MYO3B: variants seen among roughly 807,000 people sequenced by gnomAD.
The protein encoded by MYO3B is myosin IIIB, also known as myosin-IIIb.
A neutral mutation model predicts 174.6 loss-of-function variants in MYO3B; 156 were observed. That is an observed-to-expected ratio of 0.89 (90% confidence interval 0.78 to 1.02). The LOEUF is 1.02. Among genes scored for constraint, MYO3B ranks in the 50% least tolerant of loss-of-function variants. The pLI is 0.00. For missense variants in MYO3B, 1,632 were observed against 1,639.4 expected (o/e 1.00, Z 0.08); for synonymous variants, 563 against 569.1 (o/e 0.99, Z 0.15).
intron 6 of MYO3B, among the ~76,000 whole-genome samples, chr2:170,223,822 T>C (rs2092925390): frequency 6.6e-6 from 1 of 152,202 alleles, no homozygotes; most frequent in Non-Finnish European, 1.5e-5. Context: ...GTCATTATCG[T>C]TTTTATTGAG....
intron 32 of MYO3B, among the ~76,000 whole-genome samples, chr2:170,569,525 T>TC (rs1280887523): frequency 6.6e-6 from 1 of 151,662 alleles, no homozygotes; most frequent in Non-Finnish European, 1.5e-5. Context: ...TGAGTTTTTT[T>TC]TTTTTTTTTT....
intron 7 of MYO3B, among the ~76,000 whole-genome samples, chr2:170,319,932 C>CA (rs971571968): frequency 4.0e-5 from 6 of 151,652 alleles, no homozygotes; most frequent in African/African-American, 9.7e-5. Flanking sequence ...AATTATCCTT[C>CA]AAAAAAAATG....
At chr2:170,559,663 G>A (rs1041024529) in intron 32 of MYO3B, among the ~76,000 whole-genome samples, 5 of 152,050 alleles carry the variant, frequency 3.3e-5, no homozygotes, top group Non-Finnish European at 7.4e-5. Flanking sequence ...ACATAAACTG[G>A]ATATTAAATG....
At chr2:170,349,200 C>T (rs1262535132) in intron 8 of MYO3B, among the ~76,000 whole-genome samples, 1 of 152,168 alleles carries the variant, frequency 6.6e-6, no homozygotes. Context: ...ACAAGTGATG[C>T]TTCCCCTGAC....
chr2:170,499,911 C>A, intron 27 of MYO3B, 103 bp downstream of exon 27: 1 of 878,382 alleles, frequency 1.1e-6, no homozygotes. Context: ...CCCTCCCTCC[C>A]TTCCTTCTCC....
At chr2:170,405,458 T>A in intron 20 of MYO3B, 87 bp from the exon 21 acceptor site, 1 of 1,233,386 alleles carries the variant, frequency 8.1e-7, no homozygotes, top group Non-Finnish European at 1.2e-6. Flanking sequence ...GCCCTTATTC[T>A]GAGTCATTCA....
chr2:170,317,860 T>G (rs2093786808), intron 7 of MYO3B, among the ~76,000 whole-genome samples: 1 of 152,202 alleles, frequency 6.6e-6, no homozygotes, highest in Admixed American at 6.5e-5. Context: ...CTAGAGTTTT[T>G]ATCGTGATAA....
intron 25 of MYO3B, among the ~76,000 whole-genome samples, chr2:170,484,335 G>A (rs945187633): frequency 6.6e-6 from 1 of 152,078 alleles, no homozygotes; most frequent in African/African-American, 2.4e-5. Flanking sequence ...AAATTGAGGT[G>A]GTTGAACACA....
intron 1 of MYO3B, among the ~76,000 whole-genome samples, chr2:170,187,926 A>T (rs1329900055): frequency 6.6e-6 from 1 of 152,162 alleles, no homozygotes; most frequent in African/African-American, 2.4e-5. Flanking sequence ...TGTGCTGGGG[A>T]AAATGTGTAT....
rs1472803521 is a variant in MYO3B at position 170,401,692 on chromosome 2, G to A, written c.2129+1G>A. On this transcript the variant is annotated splice_donor_variant, in intron 18 of 34. Transcript: ENST00000408978. LOFTEE classifies it high-confidence loss of function. Reference sequence around the variant, plus strand: ...TCCTGCAGCCAGACGAAAACATATGGCAAGTTCCTCGGAGAGCAGAGGGTC... The same window carrying A: ...TCCTGCAGCCAGACGAAAACATATGACAAGTTCCTCGGAGAGCAGAGGGTC... The A allele has an allele frequency of 4.3e-6, 7 of 1,612,920 alleles. No homozygotes were observed. The highest frequency in any genetic ancestry group is 5.9e-6 in the Non-Finnish European group (7 of 1,179,924).
chr2:170,326,229 C>A (rs1296268593), intron 7 of MYO3B, among the ~76,000 whole-genome samples: 1 of 151,594 alleles, frequency 6.6e-6, no homozygotes. Context: ...GAGCACACTT[C>A]CAAAGAACCC....
intron 25 of MYO3B, among the ~76,000 whole-genome samples, chr2:170,490,453 C>T (rs73025025): frequency 0.088 from 13,456 of 152,126 alleles, 1,586 homozygotes; most frequent in African/African-American, 0.27. Flanking sequence ...GTAGATTACA[C>T]TGGATTTTCT....
chr2:170,389,087 A>G (rs956411102), intron 14 of MYO3B, among the ~76,000 whole-genome samples: 3 of 152,234 alleles, frequency 2.0e-5, no homozygotes, highest in Admixed American at 2.0e-4. Flanking sequence ...AGGTCACTTA[A>G]TGTGATATGT....
At position 170,404,183 on chromosome 2, in the gene MYO3B, A is replaced by C. The variant is rs79870158; in HGVS notation, c.2278-64A>C. 6.2e-4 allele frequency: 934 copies of C among 1,500,120 alleles called. 4 individuals are homozygous for C. The African/African-American group carries it at 0.012, about 20-fold the overall frequency. The allele number at this position is 1,500,120 out of a possible 1,614,324, so 92.9% of individuals were successfully genotyped here. A position where few individuals can be genotyped will look rare whatever the true frequency, so the allele number is the denominator to read the frequency against. On this transcript the variant is annotated intron_variant, in intron 19 of 34. Transcript: ENST00000408978. ...TGCTAGACCCAGAAAGTCCATGTCA[A>C]AGTATCCTGGTGGTCCCAAGGCTAG...
At chr2:170,649,249 T>A (rs1698751107) in intron 32 of MYO3B, among the ~76,000 whole-genome samples, 1 of 58,594 alleles carries the variant, frequency 1.7e-5, no homozygotes, top group Non-Finnish European at 2.7e-5. Context: ...ATATTATATA[T>A]AAAATAATAT....
At position 170,399,242 on chromosome 2, in the gene MYO3B, C is replaced by CAAAAAAAAAAAAAAAA. The variant is rs71399532; in HGVS notation, c.1792-937_1792-922dup. On this transcript the variant is annotated intron_variant, in intron 16 of 34. Transcript: ENST00000408978. ...GGGCAACAAGAGCGAAATTCCGTCT[C>CAAAAAAAAAAAAAAAA]AAAAAAAAAAAAAAAAAAAAAAAAG... is the stretch of plus-strand genomic sequence containing the variant. Among the ~76,000 whole-genome samples, 8 of 15,618 alleles carry CAAAAAAAAAAAAAAAA rather than the reference C, an allele frequency of 5.1e-4. 2 individuals carry two copies. Among genetic ancestry groups the CAAAAAAAAAAAAAAAA allele is most frequent in the Admixed American group, 1.4e-3 (2 of 1,458 alleles). The allele number at this position is 15,618 out of a possible 152,430, so 10.2% of individuals were successfully genotyped here. A position where few individuals can be genotyped will look rare whatever the true frequency, so the allele number is the denominator to read the frequency against.
At chr2:170,533,427 G>T (rs907651284) in intron 30 of MYO3B, among the ~76,000 whole-genome samples, 5 of 48,170 alleles carry the variant, frequency 1.0e-4, no homozygotes, top group African/African-American at 4.8e-4. Flanking sequence ...TGTGGGGGTG[G>T]GGGGGGGGTG....
intron 6 of MYO3B, 94 bp from the exon 7 acceptor site, chr2:170,235,897 A>C: frequency 6.6e-7 from 1 of 1,511,942 alleles, no homozygotes; most frequent in Non-Finnish European, 9.0e-7. Context: ...TGGCCAAGAA[A>C]ACTGAGAACG....
At chr2:170,537,668 A>G (rs1250180598) in intron 30 of MYO3B, among the ~76,000 whole-genome samples, 3 of 151,816 alleles carry the variant, frequency 2.0e-5, no homozygotes, top group African/African-American at 2.4e-5. Context: ...GCTAATCTCT[A>G]ACTCCTAGAT....
Sources: gnomAD v4.1 joint callset for allele counts (sites outside exome capture counted in the v4.1 genomes callset) on GRCh38, gnomAD v4.1.1 for gene constraint, MANE v1.5 for transcripts, NCBI Gene and HGNC (gene_info 2026-07-23, HGNC 2026-07-21) for gene names.